The following CALN1 variants were observed in gnomAD, a reference collection of about 807,000 sequenced individuals.
The protein encoded by CALN1 is calneuron 1.
CALN1 carries 17 observed loss-of-function variants against 30.6 expected under a neutral mutation model. The observed-to-expected ratio is 0.56, with a 90% confidence interval of 0.38 to 0.83. The LOEUF (loss-of-function observed/expected upper bound fraction) is 0.83, where lower values mean the gene tolerates loss of function less well. CALN1 is among the 40% of genes least tolerant of loss of function. The pLI is 0.00. For missense variants in CALN1, 291 were observed against 354.9 expected (o/e 0.82, Z 1.45); for synonymous variants, 156 against 131.4 (o/e 1.19, Z -1.28).
intron 4 of CALN1, among the ~76,000 whole-genome samples, chr7:72,090,144 G>C (rs1363664492): frequency 6.6e-6 from 1 of 151,982 alleles, no homozygotes; most frequent in Non-Finnish European, 1.5e-5. Flanking sequence ...CTAAAAAAAA[G>C]TACAAAAATT....
chr7:72,322,104 A>G (rs1800923243), intron 2 of CALN1, among the ~76,000 whole-genome samples: 1 of 152,120 alleles, frequency 6.6e-6, no homozygotes, highest in African/African-American at 2.4e-5. Context: ...ATAATTCTAC[A>G]ACTCACCATC....
At chr7:71,880,552 C>T (rs1792503599) in intron 5 of CALN1, among the ~76,000 whole-genome samples, 1 of 152,018 alleles carries the variant, frequency 6.6e-6, no homozygotes, top group Admixed American at 6.6e-5. Flanking sequence ...TGCTGATGAC[C>T]TTTGCATTTA....
intron 2 of CALN1, among the ~76,000 whole-genome samples, chr7:72,350,441 T>TAC (rs1802862295): frequency 6.6e-6 from 1 of 152,216 alleles, no homozygotes; most frequent in Non-Finnish European, 1.5e-5. Context: ...CATGGAATAC[T>TAC]ACTCAGCCAT....
chr7:71,848,096 C>T (rs532959808), intron 5 of CALN1, among the ~76,000 whole-genome samples: 1 of 152,308 alleles, frequency 6.6e-6, no homozygotes, highest in East Asian at 1.9e-4. Context: ...CAAGGTAACA[C>T]ATAAAATTCA....
intron 3 of CALN1, among the ~76,000 whole-genome samples, chr7:72,228,508 A>T (rs929929001): frequency 6.6e-6 from 1 of 151,782 alleles, no homozygotes; most frequent in Non-Finnish European, 1.5e-5. Context: ...GATGGTATAT[A>T]AACTATTCCT....
intron 3 of CALN1, among the ~76,000 whole-genome samples, chr7:72,108,095 T>A (rs1439501289): frequency 6.6e-6 from 1 of 152,238 alleles, no homozygotes; most frequent in African/African-American, 2.4e-5. Context: ...AGCAGAGCTG[T>A]GCTCCCCGTG....
intron 5 of CALN1, among the ~76,000 whole-genome samples, chr7:71,910,127 C>T (rs945387321): frequency 3.9e-5 from 6 of 152,172 alleles, no homozygotes; most frequent in African/African-American, 1.4e-4. Context: ...ACCCTTGACA[C>T]ATGGGAATTA....
chr7:72,404,385 TTC>T (rs1209140623), intron 1 of CALN1, among the ~76,000 whole-genome samples: 1 of 152,212 alleles, frequency 6.6e-6, no homozygotes, highest in Non-Finnish European at 1.5e-5. Context: ...TCAATGTCAG[TTC>T]TCTTTGGTTT....
At chr7:71,900,067 A>T (rs529397271) in intron 5 of CALN1, among the ~76,000 whole-genome samples, 20 of 152,200 alleles carry the variant, frequency 1.3e-4, no homozygotes, top group Non-Finnish European at 2.8e-4. Context: ...AAACTTTATC[A>T]TGTCAAAAAT....
At position 72,142,668 on chromosome 7, in the gene CALN1, G is replaced by C. The variant is rs192041129; in HGVS notation, c.245-36374C>G. 1.2e-4 allele frequency among the ~76,000 whole-genome samples: 19 copies of C among 152,278 alleles called. No homozygotes were observed. The East Asian group carries it at 3.5e-3, about 28-fold the overall frequency. The stretch of plus-strand genomic sequence containing the variant: ...GGAGCTTGAGATCTGAGAATGAACA[G>C]ACTGCCTCCTCAAGTGGGTCCTTGA... On this transcript the variant is annotated intron_variant, in intron 3 of 6. Transcript: ENST00000395275.
intron 5 of CALN1, among the ~76,000 whole-genome samples, chr7:71,996,439 G>C (rs1309769389): frequency 2.6e-5 from 4 of 152,172 alleles, no homozygotes; most frequent in South Asian, 4.1e-4. Context: ...GTGTCCATGT[G>C]TTCTCATTGT....
chr7:72,342,966 T>C (rs968676257), intron 2 of CALN1, among the ~76,000 whole-genome samples: 2 of 152,222 alleles, frequency 1.3e-5, no homozygotes, highest in African/African-American at 4.8e-5. Context: ...CATTCTCTCC[T>C]GTGTGGCTAG....
chr7:72,205,457 C>A (rs1247002799), intron 3 of CALN1, among the ~76,000 whole-genome samples: 1 of 149,576 alleles, frequency 6.7e-6, no homozygotes, highest in Non-Finnish European at 1.5e-5. Flanking sequence ...CCCACCTTGG[C>A]CTTTCAAACT....
At chr7:72,375,329 A>G (rs1585609989) in intron 2 of CALN1, among the ~76,000 whole-genome samples, 1 of 152,254 alleles carries the variant, frequency 6.6e-6, no homozygotes, top group South Asian at 2.1e-4. Context: ...TTGGGAGGCC[A>G]AAGCAGGAAG....
intron 6 of CALN1, among the ~76,000 whole-genome samples, chr7:71,791,720 G>A (rs1793399093): frequency 6.6e-6 from 1 of 152,142 alleles, no homozygotes; most frequent in African/African-American, 2.4e-5. Flanking sequence ...TTAAAAAAAT[G>A]GCATTGAGGC....
At chr7:72,349,727 GTA>G (rs1465273966) in intron 2 of CALN1, among the ~76,000 whole-genome samples, 1 of 152,154 alleles carries the variant, frequency 6.6e-6, no homozygotes, top group Non-Finnish European at 1.5e-5. Context: ...TATTGGTCAT[GTA>G]TATGTCTTCT....
the CALN1 span, among the ~76,000 whole-genome samples, chr7:72,453,993 AATAT>A: frequency 1.4e-5 from 2 of 148,124 alleles, no homozygotes; most frequent in Non-Finnish European, 1.5e-5. Context: ...ACAACCAAAA[AATAT>A]ATATATATAT....
intron 5 of CALN1, among the ~76,000 whole-genome samples, chr7:71,872,290 G>A (rs561957712): frequency 6.6e-6 from 1 of 152,300 alleles, no homozygotes; most frequent in African/African-American, 2.4e-5. Flanking sequence ...TTCAGTAAGT[G>A]AGTCAATGCC....
chr7:71,815,815 C>A, intron 5 of CALN1, among the ~76,000 whole-genome samples: 1 of 124,038 alleles, frequency 8.1e-6, no homozygotes, highest in South Asian at 3.5e-4. Flanking sequence ...GCCCTCCCTT[C>A]TTTTCTTCCT....
Sources: allele counts gnomAD v4.1 joint callset (sites outside exome capture counted in the v4.1 genomes callset), GRCh38; gene constraint gnomAD v4.1.1; transcripts MANE v1.5; gene names NCBI Gene and HGNC (gene_info 2026-07-23, HGNC 2026-07-21).